The following PPM1L variants were observed in gnomAD, a reference collection of about 807,000 sequenced individuals.
PPM1L encodes protein phosphatase 1L.
A neutral mutation model predicts 31.4 loss-of-function variants in PPM1L; 13 were observed. The observed-to-expected ratio is 0.41, with a 90% confidence interval of 0.27 to 0.66. PPM1L has a LOEUF of 0.66. PPM1L is among the 30% of genes least tolerant of loss of function. PPM1L has a pLI of 0.29. For missense variants in PPM1L, 326 were observed against 453.7 expected (o/e 0.72, Z 2.56); for synonymous variants, 184 against 175.4 (o/e 1.05, Z -0.39).
intron 1 of PPM1L, among the ~76,000 whole-genome samples, chr3:160,824,803 T>A (rs574702759): frequency 2.0e-5 from 3 of 152,190 alleles, no homozygotes; most frequent in African/African-American, 7.2e-5. Context: ...CTAATTTTTT[T>A]TAAAACTGTA....
intron 1 of PPM1L, among the ~76,000 whole-genome samples, chr3:160,954,941 TTCCTTCCTTCCTTCC>T (rs773467143): frequency 0.013 from 816 of 65,220 alleles, 10 homozygotes; most frequent in South Asian, 0.02. Context: ...CCTTCCTTCC[TTCCTTCCTTCCTTCC>T]TTCCTTTCCT....
chr3:160,883,271 G>A (rs1712788428), intron 1 of PPM1L, among the ~76,000 whole-genome samples: 1 of 152,030 alleles, frequency 6.6e-6, no homozygotes, highest in Admixed American at 6.6e-5. Context: ...ACCTGACAGT[G>A]CTATATGGAA....
At position 160,971,378 on chromosome 3, in the gene PPM1L, C is replaced by T. The variant is rs188472551; in HGVS notation, c.574+9468C>T. On this transcript the variant is annotated intron_variant, in intron 2 of 3. Coordinates refer to ENST00000498165, the MANE Select transcript of PPM1L (RefSeq NM_139245.4). ...AGCATCTTTGAGCCAGACACAGTACCCACCACTAGAAATGCTCAGATGACC... is the reference window on the plus strand; with the variant it reads ...AGCATCTTTGAGCCAGACACAGTACTCACCACTAGAAATGCTCAGATGACC... 1.3e-3 allele frequency among the ~76,000 whole-genome samples: 193 copies of T among 152,286 alleles called. 2 individuals are homozygous for T. The highest frequency in any genetic ancestry group is 3.4e-3 in the Admixed American group (52 of 15,310).
intron 3 of PPM1L, among the ~76,000 whole-genome samples, chr3:161,065,826 A>G (rs527790939): frequency 7.9e-5 from 12 of 152,274 alleles, no homozygotes; most frequent in Admixed American, 7.2e-4. Flanking sequence ...CCGGGTTCTC[A>G]CTTTTCTCTA....
At chr3:160,967,164 G>A (rs984333345) in intron 2 of PPM1L, among the ~76,000 whole-genome samples, 7 of 151,908 alleles carry the variant, frequency 4.6e-5, no homozygotes, top group South Asian at 4.2e-4. Context: ...TGCTCTTCTC[G>A]TATGCCACCA....
chr3:160,841,696 C>G (rs115009133), intron 1 of PPM1L, among the ~76,000 whole-genome samples: 105 of 152,300 alleles, frequency 6.9e-4, no homozygotes, highest in African/African-American at 2.3e-3. Context: ...AAACTTATTA[C>G]TGCCTTTTCC....
At chr3:160,957,879 C>T (rs1385382977) in intron 1 of PPM1L, among the ~76,000 whole-genome samples, 2 of 151,912 alleles carry the variant, frequency 1.3e-5, no homozygotes, top group African/African-American at 2.4e-5. Context: ...GCCGGCCTCT[C>T]GTTGTGTTTT....
intron 1 of PPM1L, among the ~76,000 whole-genome samples, chr3:160,826,313 T>C (rs1713354975): frequency 6.6e-6 from 1 of 152,188 alleles, no homozygotes; most frequent in Admixed American, 6.5e-5. Context: ...ATATGGAATT[T>C]GGCCCATGGC....
At chr3:161,015,346 A>G (rs1421756966) in intron 2 of PPM1L, among the ~76,000 whole-genome samples, 3 of 152,184 alleles carry the variant, frequency 2.0e-5, no homozygotes, top group Non-Finnish European at 4.4e-5. Context: ...GGGCCTGGAG[A>G]TAATGCAGTT....
At chr3:160,814,365 A>G (rs1712899595) in intron 1 of PPM1L, among the ~76,000 whole-genome samples, 1 of 152,152 alleles carries the variant, frequency 6.6e-6, no homozygotes, top group African/African-American at 2.4e-5. Context: ...GTTATATGAA[A>G]AAGACACTCG....
At chr3:160,776,337 A>G (rs933801782) in intron 1 of PPM1L, among the ~76,000 whole-genome samples, 4 of 151,990 alleles carry the variant, frequency 2.6e-5, no homozygotes, top group African/African-American at 9.6e-5. Flanking sequence ...GTGTGTGTGT[A>G]TGTGTGTTTA....
rs530268096 is a variant in PPM1L at position 160,922,293 on chromosome 3, A to G, written c.400-39443A>G. On this transcript the variant is annotated intron_variant, in intron 1 of 3. Coordinates refer to ENST00000498165, the MANE Select transcript of PPM1L (RefSeq NM_139245.4). ...CCACTGCACTCCAGCCTGGGTGACA[A>G]AGCGAGACTCCGTCTAAAAAAAATA... is the stretch of plus-strand genomic sequence containing the variant. Among the ~76,000 whole-genome samples the G allele has an allele frequency of 4.9e-4, 75 of 152,206 alleles. 1 individual carries two copies. Among genetic ancestry groups the G allele is most frequent in the Admixed American group, 2.2e-3 (33 of 15,282 alleles).
At chr3:160,985,176 T>G (rs1716924670) in intron 2 of PPM1L, among the ~76,000 whole-genome samples, 1 of 152,196 alleles carries the variant, frequency 6.6e-6, no homozygotes, top group South Asian at 2.1e-4. Context: ...TTTTATTAAT[T>G]TTTAATTTCA....
At chr3:160,981,046 C>T (rs562457150) in intron 2 of PPM1L, among the ~76,000 whole-genome samples, 2 of 152,288 alleles carry the variant, frequency 1.3e-5, no homozygotes, top group Admixed American at 1.3e-4. Flanking sequence ...CAGCAAAATG[C>T]TGACTCCATA....
At chr3:160,884,737 A>T (rs1712849224) in intron 1 of PPM1L, among the ~76,000 whole-genome samples, 1 of 152,202 alleles carries the variant, frequency 6.6e-6, no homozygotes, top group Non-Finnish European at 1.5e-5. Flanking sequence ...GGATTTCTAA[A>T]TTATCTTCCC....
chr3:160,783,323 GGTGCGGTGGCTCACGCCTGTAATCCCA>G (rs1319383251), intron 1 of PPM1L, among the ~76,000 whole-genome samples: 1 of 152,194 alleles, frequency 6.6e-6, no homozygotes. Flanking sequence ...ATGGAGGCTG[GGTGCGGTGGCTCACGCCTGTAATCCCA>G]GCATTTTGGG....
chr3:160,771,702 A>T (rs2108061212), intron 1 of PPM1L, among the ~76,000 whole-genome samples: 1 of 151,684 alleles, frequency 6.6e-6, no homozygotes, highest in Non-Finnish European at 1.5e-5. Context: ...TTCCGATTAT[A>T]TTTTTGTAGT....
intron 1 of PPM1L, among the ~76,000 whole-genome samples, chr3:160,828,898 G>T (rs1445430793): frequency 6.6e-6 from 1 of 152,104 alleles, no homozygotes; most frequent in Non-Finnish European, 1.5e-5. Context: ...CAAATATTCT[G>T]AGAAAATGCA....
chr3:161,047,957 A>C (rs1407918666), intron 2 of PPM1L, among the ~76,000 whole-genome samples: 1 of 152,202 alleles, frequency 6.6e-6, no homozygotes, highest in Non-Finnish European at 1.5e-5. Context: ...TAAAGACTTA[A>C]ATGTTAGACC....
Sources: gnomAD v4.1 joint callset for allele counts (sites outside exome capture counted in the v4.1 genomes callset) on GRCh38, gnomAD v4.1.1 for gene constraint, MANE v1.5 for transcripts, NCBI Gene and HGNC (gene_info 2026-07-23, HGNC 2026-07-21) for gene names.